Variants in ZNF266 observed in about 807,000 individuals in gnomAD.
ZNF266 encodes zinc finger protein 1.
In ZNF266, 16 loss-of-function variants were observed where a neutral mutation model predicts 16.4. That is an observed-to-expected ratio of 0.98 (90% CI 0.66 to 1.48). The LOEUF is 1.48. ZNF266 is among the 40% of genes most tolerant of loss of function. The pLI, the probability that ZNF266 is intolerant of heterozygous loss-of-function variation, is 0.00. For synonymous variants in ZNF266, 262 were observed against 237.9 expected (o/e 1.10, Z -0.93); for missense variants, 738 against 689.1 (o/e 1.07, Z -0.79).
At chr19:9,430,261 GTAT>G (rs2071393383) in intron 5 of ZNF266, among the ~76,000 whole-genome samples, 1 of 152,170 alleles carries the variant, frequency 6.6e-6, no homozygotes, top group Admixed American at 6.5e-5. Flanking sequence ...TACGCTTCCT[GTAT>G]CAGTAGCTCC....
chr19:9,416,210 A>G (rs1320665086), intron 9 of ZNF266, among the ~76,000 whole-genome samples: 4 of 152,158 alleles, frequency 2.6e-5, no homozygotes, highest in African/African-American at 9.7e-5. Flanking sequence ...TGGCAATAAT[A>G]AGGATATAGC....
chr19:9,418,456 T>C (rs747803317), intron 8 of ZNF266, 49 bp downstream of exon 8: 15 of 1,597,978 alleles, frequency 9.4e-6, no homozygotes, highest in Non-Finnish European at 1.2e-5. Flanking sequence ...AGTAAGTACA[T>C]AACATAATCT....
At chr19:9,415,062 A>G (rs2068772452) in intron 10 of ZNF266, among the ~76,000 whole-genome samples, 1 of 152,236 alleles carries the variant, frequency 6.6e-6, no homozygotes, top group Non-Finnish European at 1.5e-5. Context: ...TGGGAGGCCA[A>G]CGTGGGCAGA....
chr19:9,424,677 T>G (rs2070465793), intron 5 of ZNF266, among the ~76,000 whole-genome samples: 1 of 152,228 alleles, frequency 6.6e-6, no homozygotes, highest in Non-Finnish European at 1.5e-5. Context: ...TACTTCTATC[T>G]TTTTCCCACT....
At chr19:9,428,071 A>C (rs1332765273) in intron 5 of ZNF266, among the ~76,000 whole-genome samples, 2 of 152,108 alleles carry the variant, frequency 1.3e-5, no homozygotes, top group Non-Finnish European at 2.9e-5. Context: ...TAGACCACTT[A>C]CGATGGTCAT....
rs539866899 is a variant in ZNF266, at chr19:9,414,176, G to A, written c.950C>T (p.Thr317Ile). The A allele has an allele frequency of 4.0e-5, 64 of 1,613,824 alleles. No homozygotes were observed. In the South Asian group the frequency reaches 6.6e-4, roughly 17 times the overall value. ...GTGCTGAGTAAGTTGACAAGACCTG[G>A]TGAAGGCTTTCCCACACTCCTTACA... is the stretch of plus-strand genomic sequence containing the variant. ...YECKECGKAF[T>I]RSCQLTQHRK... Residue 317 changes from threonine (T) to isoleucine (I), a missense_variant, in exon 11 of 11, where the codon ACC becomes ATC. Transcript: ENST00000592904.
chr19:9,432,994 C>G (rs1173363330), intron 5 of ZNF266, among the ~76,000 whole-genome samples: 1 of 152,162 alleles, frequency 6.6e-6, no homozygotes, highest in Non-Finnish European at 1.5e-5. Flanking sequence ...TATTCCAGTT[C>G]CAGAATGAAA....
rs563021423 is a variant in ZNF266 at position 9,431,212 on chromosome 19, G to A, written c.-130+2456C>T. Among the ~76,000 whole-genome samples, 3 of 152,232 alleles carry A rather than the reference G, an allele frequency of 2.0e-5. No individual in the cohort carries two copies. The East Asian group carries it at 5.8e-4, about 29-fold the overall frequency. On this transcript the variant is annotated intron_variant, in intron 5 of 10. Coordinates refer to ENST00000592904, the MANE Select transcript of ZNF266 (RefSeq NM_001370374.1). ...CGACACGGTGGTCAGCAGTGTGGGTGTGAGGGCATTGGAGGGTGCTCTGTC... is the reference window on the plus strand; with the variant it reads ...CGACACGGTGGTCAGCAGTGTGGGTATGAGGGCATTGGAGGGTGCTCTGTC...
chr19:9,432,557 C>A (rs368240451), intron 5 of ZNF266, among the ~76,000 whole-genome samples: 2 of 152,092 alleles, frequency 1.3e-5, no homozygotes, highest in African/African-American at 2.4e-5. Context: ...AAATGACATA[C>A]AACAAAGCGA....
chr19:9,414,060 T>C lies in ZNF266; in HGVS notation c.1066A>G (p.Ile356Val). Residue 356 changes from isoleucine to valine, a missense_variant, in exon 11 of 11, where the codon ATC becomes GTC. Ile to Val is a conservative substitution (Grantham distance 29). Transcript: ENST00000592904. ...VSSCLSQHMK[I>V]HVGEKPYECK... ...TCATAAGGCTTCTCACCCACATGGA[T>C]TTTCATATGTTGACTTAAGCAAGAG... is the stretch of plus-strand genomic sequence containing the variant. 6.2e-7 allele frequency: 1 copy of C among 1,614,076 alleles called. No individual in the cohort carries two copies. Among genetic ancestry groups the C allele is most frequent in the Non-Finnish European group, 8.5e-7 (1 of 1,180,014 alleles).
intron 5 of ZNF266, among the ~76,000 whole-genome samples, chr19:9,430,838 T>C (rs1261754347): frequency 2.0e-5 from 3 of 152,174 alleles, no homozygotes; most frequent in Non-Finnish European, 4.4e-5. Context: ...ATAAGGCCCA[T>C]GGACCGTAAC....
chr19:9,428,277 C>T (rs1243281032), intron 5 of ZNF266, among the ~76,000 whole-genome samples: 1 of 152,232 alleles, frequency 6.6e-6, no homozygotes, highest in Non-Finnish European at 1.5e-5. Context: ...TGCCTGGCCA[C>T]TGAGGCCTCC....
At chr19:9,426,438 T>C (rs956816917) in intron 5 of ZNF266, among the ~76,000 whole-genome samples, 1 of 149,182 alleles carries the variant, frequency 6.7e-6, no homozygotes, top group African/African-American at 2.5e-5. Context: ...CTTTTCCTCT[T>C]ATCAACCAGA....
Position 9,418,514 on chromosome 19 carries a change from C to A in ZNF266, c.226G>T (p.Ala76Ser). ...ATGAGGCCAGTCTTACCTACTGTGG[C>A]CAAATTCTTGTAGTTCTCCAGCATC... ...DVMLENYKNL[A>S]TVGYQLFKPS... The change falls in exon 8 of 11, where the codon GCC becomes TCC. Residue 76 changes from alanine (A) to serine (S), a missense_variant. Ala to Ser is a moderately conservative substitution (Grantham distance 99). Coordinates refer to ENST00000592904, the MANE Select transcript of ZNF266 (RefSeq NM_001370374.1). The A allele has an allele frequency of 6.2e-7, 1 of 1,614,162 alleles. No homozygotes were observed. The highest frequency in any genetic ancestry group is 1.3e-5 in the African/African-American group (1 of 75,044).
chr19:9,416,906 T>C (rs1399351242), intron 9 of ZNF266, among the ~76,000 whole-genome samples: 1 of 149,792 alleles, frequency 6.7e-6, no homozygotes, highest in East Asian at 2.0e-4. Context: ...CATGACCTCA[T>C]GTGATCTGCC....
rs1461707823 is a variant in ZNF266 at position 9,414,580 on chromosome 19, G to A, written c.546C>T (p.Phe182=). The A allele has an allele frequency of 1.2e-6, 2 of 1,613,894 alleles. No homozygotes were observed. Among genetic ancestry groups the A allele is most frequent in the Non-Finnish European group, 1.7e-6 (2 of 1,179,770 alleles). The change falls in exon 11 of 11, where the codon TTC becomes TTT. Residue 182 remains phenylalanine (F), a synonymous_variant. Transcript: ENST00000592904. ...TAGAGGTTTTCTTGTGCAGAGTAAG[G>A]AAGTCTACTCCATACAGATAACACT... ...TFECYLYGVD[F]LTLHKKTSTG...
At chr19:9,417,439 C>G (rs1381060584) in intron 9 of ZNF266, among the ~76,000 whole-genome samples, 1 of 151,004 alleles carries the variant, frequency 6.6e-6, no homozygotes, top group Admixed American at 6.6e-5. Flanking sequence ...AAAAAGTTTC[C>G]TCATTATGGC....
In ZNF266 at chr19:9,413,416, G is replaced by A. The variant is rs750935505; in HGVS notation, c.1710C>T (p.Tyr570=). ...GTTCATGTAACTGAAACGAATTGGA[G>A]TAACTGAAGGATTTCCCACACTGTT... is the stretch of plus-strand genomic sequence containing the variant. ...KCKQCGKSFS[Y]SNSFQLHERT... The change falls in exon 11 of 11, where the codon TAC becomes TAT. Residue 570 remains tyrosine, a synonymous_variant. Coordinates refer to ENST00000592904, the MANE Select transcript of ZNF266 (RefSeq NM_001370374.1). The A allele has an allele frequency of 1.2e-6, 2 of 1,612,870 alleles. No individual in the cohort carries two copies. The highest frequency in any genetic ancestry group is 2.7e-5 in the African/African-American group (2 of 74,600).
chr19:9,427,344 G>A (rs749271541), intron 5 of ZNF266, among the ~76,000 whole-genome samples: 1 of 151,654 alleles, frequency 6.6e-6, no homozygotes. Context: ...TTCTGAGATT[G>A]AGTCTTGCTC....
Sources: allele counts gnomAD v4.1 joint callset (sites outside exome capture counted in the v4.1 genomes callset), GRCh38; gene constraint gnomAD v4.1.1; transcripts MANE v1.5; gene names NCBI Gene and HGNC (gene_info 2026-07-23, HGNC 2026-07-21).